ASAP1: variants seen among roughly 807,000 people sequenced by gnomAD.
ASAP1 encodes the protein arf-GAP with SH3 domain, ANK repeat and PH domain-containing protein 1.
ASAP1 carries 43 observed loss-of-function variants against 145.2 expected under a neutral mutation model. That is an observed-to-expected ratio of 0.30 (90% CI 0.23 to 0.38). The LOEUF is 0.38. Ranked by LOEUF, ASAP1 falls within the 10% of genes least tolerant of loss-of-function variation. The probability of loss-of-function intolerance (pLI) is 1.00; values close to 1 mark genes in which losing one functional copy is unlikely to be tolerated. For synonymous variants in ASAP1, 546 were observed against 515.5 expected (o/e 1.06, Z -0.80); for missense variants, 1,018 against 1,355.3 (o/e 0.75, Z 3.91).
At chr8:130,210,415 A>C (rs1162107443) in intron 5 of ASAP1, among the ~76,000 whole-genome samples, 3 of 152,250 alleles carry the variant, frequency 2.0e-5, no homozygotes, top group African/African-American at 7.2e-5. Context: ...GAATAGAAGT[A>C]GTCCACATAA....
At chr8:130,398,429 GAGAAGT>G (rs1448177645) in intron 2 of ASAP1, among the ~76,000 whole-genome samples, 1 of 152,172 alleles carries the variant, frequency 6.6e-6, no homozygotes, top group African/African-American at 2.4e-5. Context: ...AATAGTAGAA[GAGAAGT>G]AGAAGTAGTC....
chr8:130,154,639 C>G (rs2097654250), intron 12 of ASAP1, among the ~76,000 whole-genome samples: 1 of 152,160 alleles, frequency 6.6e-6, no homozygotes, highest in African/African-American at 2.4e-5. Flanking sequence ...TAAATTAGTC[C>G]TCTAAGAAAG....
Position 130,175,496 on chromosome 8 carries a change from G to C in ASAP1, c.746+3768C>G, listed in dbSNP as rs542914298. ...CTGCATCGGCCTCCTAAAGTGCTAG[G>C]ATTATAGGTGTGAGCCAGTACACCT... On this transcript the variant is annotated intron_variant, in intron 9 of 29. Coordinates refer to ENST00000518721, the MANE Select transcript of ASAP1 (RefSeq NM_018482.4). Among the ~76,000 whole-genome samples the C allele has an allele frequency of 5.9e-4, 90 of 152,234 alleles. No homozygotes were observed. The East Asian group carries it at 0.015, about 25-fold the overall frequency.
chr8:130,423,364 C>A (rs1829795302), intron 1 of ASAP1, among the ~76,000 whole-genome samples: 1 of 152,174 alleles, frequency 6.6e-6, no homozygotes, highest in South Asian at 2.1e-4. Flanking sequence ...TGTATACTTG[C>A]AAAATTGCTC....
chr8:130,333,182 C>A (rs1824807775), intron 3 of ASAP1, among the ~76,000 whole-genome samples: 1 of 152,298 alleles, frequency 6.6e-6, no homozygotes, highest in Non-Finnish European at 1.5e-5. Flanking sequence ...GCACCCCCAA[C>A]CCTAGTCCAA....
Position 130,418,539 on chromosome 8 carries a change from AAAATAAATAAAT to A in ASAP1, c.-27-16581_-27-16570del, listed in dbSNP as rs71572335. ...CTCCAGCCTGGGTGACCTCTGTCTC[AAAATAAATAAAT>A]AAATAAATAAATAAATAAATAAAAT... On this transcript the variant is annotated intron_variant, in intron 1 of 29. Transcript: ENST00000518721. Among the ~76,000 whole-genome samples, 332 of 147,736 alleles carry A rather than the reference AAAATAAATAAAT, an allele frequency of 2.2e-3. 1 individual carries two copies. The highest frequency in any genetic ancestry group is 5.4e-3 in the Admixed American group (80 of 14,862).
At chr8:130,073,568 G>A (rs1259002900) in intron 27 of ASAP1, among the ~76,000 whole-genome samples, 1 of 152,136 alleles carries the variant, frequency 6.6e-6, no homozygotes, top group African/African-American at 2.4e-5. Flanking sequence ...AGGGGGTCGG[G>A]AAGGAACTGA....
Position 130,116,875 on chromosome 8 carries a change from C to T in ASAP1, c.1996+5G>A, listed in dbSNP as rs117858659. The T allele has an allele frequency of 0.025, 40,928 of 1,610,614 alleles. 580 individuals are homozygous for T. Among genetic ancestry groups the T allele is most frequent in the Non-Finnish European group, 0.028 (32,851 of 1,176,992 alleles). On this transcript the variant is annotated splice_donor_5th_base_variant and intron_variant, in intron 21 of 29. Transcript: ENST00000518721. ...CAGTCATGAAGACACTAGACACACTCTTACCTATATCCACAGTGGGCTTGC... is the reference window on the plus strand; with the variant it reads ...CAGTCATGAAGACACTAGACACACTTTTACCTATATCCACAGTGGGCTTGC...
intron 1 of ASAP1, among the ~76,000 whole-genome samples, chr8:130,416,386 A>G (rs1829476856): frequency 6.6e-6 from 1 of 152,250 alleles, no homozygotes; most frequent in African/African-American, 2.4e-5. Context: ...TGAATGAATT[A>G]ATTAATGAAT....
At chr8:130,163,655 T>A (rs1554836565) in intron 11 of ASAP1, among the ~76,000 whole-genome samples, 1 of 152,204 alleles carries the variant, frequency 6.6e-6, no homozygotes, top group Non-Finnish European at 1.5e-5. Flanking sequence ...CAAAGAGGAT[T>A]TTCTTTCCTG....
At chr8:130,197,393 C>A (rs1353743250) in intron 5 of ASAP1, among the ~76,000 whole-genome samples, 1 of 152,142 alleles carries the variant, frequency 6.6e-6, no homozygotes, top group Non-Finnish European at 1.5e-5. Context: ...CATGCCATTG[C>A]GCTCCAGCCT....
intron 1 of ASAP1, among the ~76,000 whole-genome samples, chr8:130,403,112 T>A (rs975181017): frequency 1.3e-5 from 2 of 152,114 alleles, no homozygotes; most frequent in African/African-American, 4.8e-5. Context: ...ATCTTATCAT[T>A]TCAGTCATAA....
chr8:130,376,766 G>C (rs1442727179), intron 2 of ASAP1, among the ~76,000 whole-genome samples: 1 of 151,770 alleles, frequency 6.6e-6, no homozygotes, highest in Non-Finnish European at 1.5e-5. Flanking sequence ...AGCTGGGTGT[G>C]GTGGCAGGCG....
At chr8:130,153,193 T>C (rs1001494549) in intron 12 of ASAP1, among the ~76,000 whole-genome samples, 1 of 151,250 alleles carries the variant, frequency 6.6e-6, no homozygotes, top group African/African-American at 2.4e-5. Flanking sequence ...CTAATTTTTT[T>C]ATTTTTAGTA....
rs549277520 is a variant in ASAP1, at chr8:130,216,903, G to C, written c.260-2202C>G. ...ACTCTGCTTCTGAAATGGTCTCTCT[G>C]TTGCTACTTTTGCCTCCCAGCAGTC... On this transcript the variant is annotated intron_variant, in intron 4 of 29. Coordinates refer to ENST00000518721, the MANE Select transcript of ASAP1 (RefSeq NM_018482.4). Among the ~76,000 whole-genome samples the C allele has an allele frequency of 5.3e-5, 8 of 152,324 alleles. No individual in the cohort carries two copies. The South Asian group carries it at 1.4e-3, about 28-fold the overall frequency.
chr8:130,290,793 C>T (rs1821898812), intron 3 of ASAP1, among the ~76,000 whole-genome samples: 1 of 152,230 alleles, frequency 6.6e-6, no homozygotes, highest in Admixed American at 6.5e-5. Context: ...TTCCTCTCCT[C>T]ATGCCTGGTA....
chr8:130,152,990 T>C (rs938747254), intron 12 of ASAP1, among the ~76,000 whole-genome samples, 185 bp from the exon 13 acceptor site: 31 of 152,132 alleles, frequency 2.0e-4, no homozygotes, highest in African/African-American at 7.5e-4. Context: ...CAAGTAGCCA[T>C]GTACAAGGAT....
chr8:130,238,679 A>G (rs144785651), intron 3 of ASAP1, among the ~76,000 whole-genome samples: 351 of 152,272 alleles, frequency 2.3e-3, no homozygotes, highest in African/African-American at 8.1e-3. Context: ...AAACCTGTTA[A>G]GGATCATCTT....
intron 1 of ASAP1, among the ~76,000 whole-genome samples, chr8:130,424,903 G>A (rs539918351): frequency 2.0e-5 from 3 of 152,126 alleles, no homozygotes; most frequent in African/African-American, 7.2e-5. Flanking sequence ...TGAGGCAGGA[G>A]AATCGCTTGA....
Sources: allele counts gnomAD v4.1 joint callset (sites outside exome capture counted in the v4.1 genomes callset), GRCh38; gene constraint gnomAD v4.1.1; transcripts MANE v1.5; gene names NCBI Gene and HGNC (gene_info 2026-07-23, HGNC 2026-07-21).